SUGP2: variants seen among roughly 807,000 people sequenced by gnomAD.
The protein encoded by SUGP2 is SURP and G-patch domain-containing protein 2.
In SUGP2, 24 loss-of-function variants were observed where a neutral mutation model predicts 90.5. The ratio of observed to expected loss-of-function variants is 0.27; its 90% CI spans 0.19 to 0.37. SUGP2 has a LOEUF of 0.37. Ranked by LOEUF, SUGP2 falls within the 10% of genes least tolerant of loss-of-function variation. The pLI, the probability that SUGP2 is intolerant of heterozygous loss-of-function variation, is 1.00. For missense variants in SUGP2, 1,233 were observed against 1,363.3 expected, an observed-to-expected ratio of 0.90 and a Z score of 1.51; for synonymous variants, 473 against 513.4, an observed-to-expected ratio of 0.92 and a Z score of 1.06.
At chr19:19,009,484 A>G (rs2058217949) in intron 5 of SUGP2, among the ~76,000 whole-genome samples, 1 of 152,098 alleles carries the variant, frequency 6.6e-6, no homozygotes. Context: ...GAGGAGGCGC[A>G]ATGAGAACAA....
At chr19:19,024,575 A>G (rs770795635) in intron 3 of SUGP2, 44 bp downstream of exon 3, 19 of 1,553,180 alleles carry the variant, frequency 1.2e-5, no homozygotes, top group African/African-American at 5.5e-5. Flanking sequence ...ATTACCAAAG[A>G]AACACGAAAA....
At chr19:18,998,888 G>A (rs1200999705) in intron 8 of SUGP2, 1 of 152,384 alleles carries the variant, frequency 6.6e-6, no homozygotes, top group East Asian at 1.9e-4. Context: ...CTTGCCATGA[G>A]AAAGTGGCCT....
chr19:19,025,547 G>A lies in SUGP2; in HGVS notation c.801C>T (p.Gly267=), dbSNP rs1307262247. Residue 267 remains glycine, a synonymous_variant, in exon 3 of 11, where the codon GGC becomes GGT. Transcript: ENST00000452918. The stretch of plus-strand genomic sequence containing the variant: ...GAGTGTTTTTCTGGATTTGGTTAGT[G>A]CCCTGAGTTTTGGGAGTAATACGAT... ...TVNRITPKTQ[G]TNQIQKNTPS... is the part of the protein sequence containing the mutation. The A allele has an allele frequency of 1.2e-6, 2 of 1,613,950 alleles. No homozygotes were observed. Among genetic ancestry groups the A allele is most frequent in the African/African-American group, 2.7e-5 (2 of 74,888 alleles).
At position 19,004,319 on chromosome 19, in the gene SUGP2, G is replaced by A. The variant is rs149391494; in HGVS notation, c.2778C>T (p.Gly926=). The change falls in exon 7 of 11, where the codon GGC becomes GGT. Residue 926 remains glycine, a synonymous_variant. Coordinates refer to ENST00000452918, the MANE Select transcript of SUGP2 (RefSeq NM_001017392.5). The part of the protein sequence containing the change: ...EGSTPADGLP[G]EAAEDDLAGA... Reference sequence around the variant, plus strand: ...CAGCCAGGTCGTCCTCGGCAGCCTCGCCGGGAAGGCCGTCGGCAGGGGTGC... The same window carrying A: ...CAGCCAGGTCGTCCTCGGCAGCCTCACCGGGAAGGCCGTCGGCAGGGGTGC... The A allele has an allele frequency of 2.5e-6, 4 of 1,613,294 alleles. No individual in the cohort carries two copies. The highest frequency in any genetic ancestry group is 1.6e-4 in the Middle Eastern group (1 of 6,082).
rs181319021 is a variant in SUGP2 at position 18,992,964 on chromosome 19, A to G, written c.*777T>C. 6.6e-6 allele frequency: 1 copy of G among 152,320 alleles called. No homozygotes were observed. The highest frequency in any genetic ancestry group is 2.4e-5 in the African/African-American group (1 of 41,558). The allele number at this position is 152,320 out of a possible 1,614,324, so 9.4% of individuals were successfully genotyped here. A position where few individuals can be genotyped will look rare whatever the true frequency, so the allele number is the denominator to read the frequency against. On this transcript the variant is annotated 3_prime_UTR_variant, in exon 11 of 11. Transcript: ENST00000452918. ...CTCTCCTTACAAAGGCTGTAATAAGACAGCACTTGACGATGCCATACGTGC... is the reference window on the plus strand; with the variant it reads ...CTCTCCTTACAAAGGCTGTAATAAGGCAGCACTTGACGATGCCATACGTGC...
At chr19:19,030,886 C>T (rs2059125559) in intron 2 of SUGP2, 65 bp downstream of exon 2, 5 of 1,519,366 alleles carry the variant, frequency 3.3e-6, no homozygotes, top group Non-Finnish European at 4.4e-6. Context: ...TTGTAATCTT[C>T]CTGCCTTGGC....
At chr19:19,002,249 G>A (rs978172998) in intron 7 of SUGP2, among the ~76,000 whole-genome samples, 5 of 151,986 alleles carry the variant, frequency 3.3e-5, no homozygotes, top group Non-Finnish European at 5.9e-5. Context: ...GCGTGGTGGC[G>A]GGAGCCTGCA....
Position 19,020,276 on chromosome 19 carries a change from A to G in SUGP2, c.1730-1047T>C, listed in dbSNP as rs146984820. On this transcript the variant is annotated intron_variant, in intron 3 of 10. Coordinates refer to ENST00000452918, the MANE Select transcript of SUGP2 (RefSeq NM_001017392.5). ...AACTCCATTTCTACTAAAAAAATACAAAAAAATTAGCTGGGCATGGTGGCG... is the reference window on the plus strand; with the variant it reads ...AACTCCATTTCTACTAAAAAAATACGAAAAAATTAGCTGGGCATGGTGGCG... Among the ~76,000 whole-genome samples the G allele has an allele frequency of 7.8e-3, 1,179 of 151,420 alleles. 13 individuals are homozygous for G. The highest frequency in any genetic ancestry group is 0.028 in the African/African-American group (1,141 of 41,366).
Position 19,001,645 on chromosome 19 carries a change from T to A in SUGP2, c.2959A>T (p.Arg987Trp), listed in dbSNP as rs751523489. The change falls in exon 8 of 11, where the codon AGG becomes TGG. Residue 987 changes from arginine (R) to tryptophan (W), a missense_variant. Physicochemically the swap from Arg to Trp is moderately radical, Grantham distance 101 (BLOSUM62 -3). This residue lies in a region of SUGP2 where 105 missense variants were observed against 155.2 expected (regional missense o/e 0.68). Transcript: ENST00000452918. ...TTGGACATGGGACGACCCCGAGGCC[T>A]GTCATAGGCAATTCGAACTGGTTCA... The part of the protein sequence containing the change: ...VHEPVRIAYD[R>W]PRGRPMSKKK... 10 of 1,614,222 alleles carry A rather than the reference T, an allele frequency of 6.2e-6. No homozygotes were observed. Among genetic ancestry groups the A allele is most frequent in the Non-Finnish European group, 8.5e-6 (10 of 1,180,038 alleles).
rs374454251 is a variant in SUGP2, at chr19:19,004,409, G to C, written c.2688C>G (p.Asp896Glu). The C allele has an allele frequency of 3.1e-6, 5 of 1,613,946 alleles. No individual in the cohort carries two copies. Among genetic ancestry groups the C allele is most frequent in the African/African-American group, 2.7e-5 (2 of 74,894 alleles). ...ESPEVMPEEE[D>E]EDDEDGGEEA... is the part of the protein sequence containing the mutation. ...CCTCTCCCCCATCCTCATCGTCCTC[G>C]TCCTCCTCCTCAGGCATCACCTCTG... The change falls in exon 7 of 11, where the codon GAC becomes GAG. Residue 896 changes from aspartate to glutamate, a missense_variant. Physicochemically the swap from Asp to Glu is conservative, Grantham distance 45. Around this residue, in one of 8 missense-constraint regions of SUGP2, gnomAD observed 540 missense variants for 542.6 expected, o/e 1.00. Coordinates refer to ENST00000452918, the MANE Select transcript of SUGP2 (RefSeq NM_001017392.5).
intron 4 of SUGP2, among the ~76,000 whole-genome samples, chr19:19,010,918 T>C (rs955908133): frequency 5.9e-5 from 9 of 151,808 alleles, no homozygotes; most frequent in African/African-American, 1.9e-4. Flanking sequence ...GGCGGGAGGA[T>C]TGCTTGAGCC....
intron 8 of SUGP2, among the ~76,000 whole-genome samples, chr19:18,999,872 G>A (rs1001820633): frequency 5.9e-5 from 9 of 152,150 alleles, no homozygotes; most frequent in African/African-American, 2.2e-4. Context: ...GTCAGTGAAT[G>A]GCAGTTCTGT....
At chr19:18,997,647 G>A (rs2057658678) in intron 8 of SUGP2, among the ~76,000 whole-genome samples, 3 of 152,002 alleles carry the variant, frequency 2.0e-5, no homozygotes, top group Admixed American at 2.0e-4. Context: ...GCCAGGTGTG[G>A]TGGCACGCCC....
intron 8 of SUGP2, among the ~76,000 whole-genome samples, chr19:18,997,001 G>A (rs1011324112): frequency 3.3e-5 from 5 of 152,040 alleles, no homozygotes; most frequent in Non-Finnish European, 5.9e-5. Flanking sequence ...GAGTGGCTGG[G>A]AGAGGGTTAG....
At chr19:18,999,083 G>C (rs978951462) in intron 8 of SUGP2, 1 of 152,482 alleles carries the variant, frequency 6.6e-6, no homozygotes, top group African/African-American at 2.4e-5. Flanking sequence ...TTTCAGGAAG[G>C]CTGCTTGGAG....
At position 18,992,975 on chromosome 19, in the gene SUGP2, C is replaced by CGAT. The variant is rs1208915992; in HGVS notation, c.*763_*765dup. ...AAGGCTGTAATAAGACAGCACTTGACGATGCCATACGTGCGAAAAGTGCAG... is the reference window on the plus strand; with the variant it reads ...AAGGCTGTAATAAGACAGCACTTGACGATGATGCCATACGTGCGAAAAGTGCAG... On this transcript the variant is annotated 3_prime_UTR_variant, in exon 11 of 11. Transcript: ENST00000452918. The CGAT allele has an allele frequency of 6.6e-6, 1 of 152,166 alleles. No individual in the cohort carries two copies. The highest frequency in any genetic ancestry group is 6.5e-5 in the Admixed American group (1 of 15,274). 9.4% of individuals were successfully genotyped at this position (152,166 alleles called of 1,614,324 possible).
At position 19,004,806 on chromosome 19, in the gene SUGP2, CAAT is replaced by C. The variant is rs141837981; in HGVS notation, c.2451-163_2451-161del. ...GCTATGGCTTGATGGTGCAGCCTCT[CAAT>C]GATAGAAAATTTGAGGAGTACTAGT... On this transcript the variant is annotated intron_variant, in intron 6 of 10. Transcript: ENST00000452918. 7.9e-3 allele frequency among the ~76,000 whole-genome samples: 1,199 copies of C among 152,218 alleles called. 12 individuals carry two copies. The highest frequency in any genetic ancestry group is 0.028 in the African/African-American group (1,159 of 41,524).
intron 2 of SUGP2, among the ~76,000 whole-genome samples, chr19:19,029,418 G>A (rs2145750462): frequency 6.8e-6 from 1 of 147,368 alleles, no homozygotes; most frequent in African/African-American, 2.5e-5. Flanking sequence ...ACAGGCTTGA[G>A]CCACTGCGCC....
rs778358371 is a variant in SUGP2, at chr19:19,025,931, C to A, written c.417G>T (p.Ala139=). The part of the protein sequence containing the change: ...GHFRSQDWKF[A]LRGSWEQDFG... ...AGTCTTGTTCCCAAGAACCACGGAG[C>A]GCAAATTTCCAGTCCTGAGAACGGA... The change falls in exon 3 of 11, where the codon GCG becomes GCT. Residue 139 remains alanine (A), a synonymous_variant. Coordinates refer to ENST00000452918, the MANE Select transcript of SUGP2 (RefSeq NM_001017392.5). 6.2e-7 allele frequency: 1 copy of A among 1,614,146 alleles called. No individual in the cohort carries two copies. Among genetic ancestry groups the A allele is most frequent in the Non-Finnish European group, 8.5e-7 (1 of 1,180,020 alleles).
Sources: allele counts gnomAD v4.1 joint callset (sites outside exome capture counted in the v4.1 genomes callset), GRCh38; gene constraint gnomAD v4.1.1; regional missense constraint gnomAD v4.1.1; transcripts MANE v1.5; gene names NCBI Gene and HGNC (gene_info 2026-07-23, HGNC 2026-07-21).